Variants in NFIX observed in about 807,000 individuals in gnomAD.
The protein encoded by NFIX is nuclear factor I X.
In NFIX, 2 loss-of-function variants were observed where a neutral mutation model predicts 53.3. The observed-to-expected ratio is 0.04, with a 90% CI of 0.02 to 0.12. The LOEUF (loss-of-function observed/expected upper bound fraction) is 0.12, where lower values mean the gene tolerates loss of function less well. NFIX is among the 10% of genes least tolerant of loss of function. The pLI is 1.00. For synonymous variants in NFIX, 244 were observed against 289.0 expected (o/e 0.84, Z 1.58); for missense variants, 310 against 674.5 (o/e 0.46, Z 5.99).
rs1599811847 is a variant in NFIX, at chr19:13,060,186, T to C, written c.560-12861T>C. Among the ~76,000 whole-genome samples, 1 of 152,202 alleles carries C rather than the reference T, an allele frequency of 6.6e-6. No individual in the cohort carries two copies. Among genetic ancestry groups the C allele is most frequent in the African/African-American group, 2.4e-5 (1 of 41,448 alleles). On this transcript the variant is annotated intron_variant, in intron 2 of 10. Coordinates refer to ENST00000592199, the MANE Select transcript of NFIX (RefSeq NM_001365902.3). This position sits in a 1 kb window ranked among gnomAD's most constrained non-coding sequence, Gnocchi z 4.3. ...AAGCCTGTTCTCAGCTCCCCTTTAC[T>C]AGGGACAGGTAATTCCACTCTGGCT...
intron 2 of NFIX, among the ~76,000 whole-genome samples, chr19:13,029,287 C>T (rs904583037): frequency 6.6e-6 from 1 of 152,182 alleles, no homozygotes; most frequent in Non-Finnish European, 1.5e-5. Flanking sequence ...TCTTGAAAAA[C>T]CAAACCACAA....
At position 13,014,684 on chromosome 19, in the gene NFIX, A is replaced by T. The variant is rs957221964; in HGVS notation, c.28-10337A>T. Among the ~76,000 whole-genome samples, 3 of 152,206 alleles carry T rather than the reference A, an allele frequency of 2.0e-5. No individual in the cohort carries two copies. The highest frequency in any genetic ancestry group is 4.4e-5 in the Non-Finnish European group (3 of 68,044). On this transcript the variant is annotated intron_variant, in intron 1 of 10. Coordinates refer to ENST00000592199, the MANE Select transcript of NFIX (RefSeq NM_001365902.3). This position sits in a 1 kb window ranked among gnomAD's most constrained non-coding sequence, Gnocchi z 4.4. ...ACCCTGTGCCCTTGATAGAAGAGAG[A>T]GCTGCCCACTTGGGCTGGGCCTGGC...
intron 2 of NFIX, among the ~76,000 whole-genome samples, chr19:13,063,527 T>G (rs1298162044): frequency 6.6e-6 from 1 of 152,102 alleles, no homozygotes; most frequent in Admixed American, 6.5e-5. Context: ...TCTCTGCTCT[T>G]TTTTGTTTTT....
At chr19:13,077,969 C>T (rs1047700883) in intron 6 of NFIX, among the ~76,000 whole-genome samples, 6 of 152,218 alleles carry the variant, frequency 3.9e-5, no homozygotes, top group African/African-American at 1.4e-4. Flanking sequence ...CTTCTGGGTC[C>T]CCTGGCTGGG....
At chr19:13,070,053 C>T (rs938886566) in intron 2 of NFIX, 4 of 152,162 alleles carry the variant, frequency 2.6e-5, no homozygotes, top group Non-Finnish European at 5.9e-5. Flanking sequence ...GGCAAGGCTC[C>T]CCAAAGAGCC....
Position 13,078,509 on chromosome 19 carries a change from G to A in NFIX, c.956-104G>A. On this transcript the variant is annotated intron_variant, in intron 6 of 10. Transcript: ENST00000592199. The surrounding 1 kb of genome is among the most constrained non-coding windows in gnomAD (Gnocchi z 4.7). Reference sequence around the variant, plus strand: ...GAGCACAGTGGAGGAAGGGGCAGTGGGGAGGGGCTGAGGAGAGAAGGAGCG... The same window carrying A: ...GAGCACAGTGGAGGAAGGGGCAGTGAGGAGGGGCTGAGGAGAGAAGGAGCG... 3 of 1,382,368 alleles carry A rather than the reference G, an allele frequency of 2.2e-6. No homozygotes were observed. Among genetic ancestry groups the A allele is most frequent in the East Asian group, 2.5e-5 (1 of 39,786 alleles). 85.6% of individuals were successfully genotyped at this position (1,382,368 alleles called of 1,614,324 possible). A position where few individuals can be genotyped will look rare whatever the true frequency, so the allele number is the denominator to read the frequency against.
rs1222749670 is a variant in NFIX at position 13,039,598 on chromosome 19, C to T, written c.559+14046C>T. Among the ~76,000 whole-genome samples, 5 of 152,122 alleles carry T rather than the reference C, an allele frequency of 3.3e-5. No individual in the cohort carries two copies. In the East Asian group the frequency reaches 7.7e-4, roughly 23 times the overall value. ...AGTCTTGCCTTTACATGTCTTGTCA[C>T]GAAAACAGGGACCTTGGAGAGTCTG... On this transcript the variant is annotated intron_variant, in intron 2 of 10. Transcript: ENST00000592199.
intron 1 of NFIX, among the ~76,000 whole-genome samples, chr19:13,018,297 C>T (rs2012770685): frequency 7.5e-6 from 1 of 133,906 alleles, no homozygotes; most frequent in Admixed American, 8.6e-5. Flanking sequence ...CCCAGGCCAC[C>T]GCTCCTGGTT....
Position 13,001,311 on chromosome 19 carries a change from A to C in NFIX, c.27+5447A>C, listed in dbSNP as rs1430197484. On this transcript the variant is annotated intron_variant, in intron 1 of 10. Transcript: ENST00000592199. This position sits in a 1 kb window ranked among gnomAD's most constrained non-coding sequence, Gnocchi z 6.5. ...CCCGGGTCCCTCTCCATGCCTCTCC[A>C]TGTCTCCCAGCGTCCATCACTGGGT... is the stretch of plus-strand genomic sequence containing the variant. Among the ~76,000 whole-genome samples the C allele has an allele frequency of 1.3e-5, 2 of 152,012 alleles. No individual in the cohort carries two copies. Among genetic ancestry groups the C allele is most frequent in the East Asian group, 1.9e-4 (1 of 5,186 alleles).
At position 13,005,313 on chromosome 19, in the gene NFIX, C is replaced by T. The variant is rs975513902; in HGVS notation, c.27+9449C>T. Reference sequence around the variant, plus strand: ...GCTAATGTGAACTGTGTGCTTGCTGCGTTGCACCCTTGCTAAGTGCCTTCC... The same window carrying T: ...GCTAATGTGAACTGTGTGCTTGCTGTGTTGCACCCTTGCTAAGTGCCTTCC... On this transcript the variant is annotated intron_variant, in intron 1 of 10. Coordinates refer to ENST00000592199, the MANE Select transcript of NFIX (RefSeq NM_001365902.3). This position sits in a 1 kb window ranked among gnomAD's most constrained non-coding sequence, Gnocchi z 4.7. Among the ~76,000 whole-genome samples, 34 of 152,250 alleles carry T rather than the reference C, an allele frequency of 2.2e-4. No homozygotes were observed. The highest frequency in any genetic ancestry group is 1.8e-3 in the Admixed American group (27 of 15,292).
chr19:13,029,583 G>A (rs2013637601), intron 2 of NFIX, among the ~76,000 whole-genome samples: 1 of 152,124 alleles, frequency 6.6e-6, no homozygotes, highest in Non-Finnish European at 1.5e-5. Flanking sequence ...GTCCTGTGGG[G>A]TTTCCTCAGC....
rs753371276 is a variant in NFIX, at chr19:13,067,115, C to T, written c.560-5932C>T. On this transcript the variant is annotated intron_variant, in intron 2 of 10. Coordinates refer to ENST00000592199, the MANE Select transcript of NFIX (RefSeq NM_001365902.3). This position sits in a 1 kb window ranked among gnomAD's most constrained non-coding sequence, Gnocchi z 4.2. ...GAGATTGGGTTTCCTGTGCCCTGGA[C>T]GCTCCAGAATCTCAGAGGAAGCGGG... 4.6e-5 allele frequency among the ~76,000 whole-genome samples: 7 copies of T among 152,216 alleles called. No individual in the cohort carries two copies. The highest frequency in any genetic ancestry group is 1.9e-4 in the East Asian group (1 of 5,200).
intron 1 of NFIX, among the ~76,000 whole-genome samples, chr19:13,004,120 T>C (rs914438432): frequency 2.0e-5 from 3 of 151,894 alleles, no homozygotes; most frequent in Non-Finnish European, 4.4e-5. Context: ...ATTTAGTGAG[T>C]GGAGACCCAG....
At position 13,081,464 on chromosome 19, in the gene NFIX, T is replaced by G. The variant is rs1169126848; in HGVS notation, c.1079-216T>G. Among the ~76,000 whole-genome samples the G allele has an allele frequency of 2.6e-5, 4 of 151,960 alleles. No individual in the cohort carries two copies. The highest frequency in any genetic ancestry group is 7.2e-5 in the African/African-American group (3 of 41,382). Reference sequence around the variant, plus strand: ...TTGGACCCTAGTTTGCCTATTTGATTATTATTATTATTATTATTTTTGTAT... The same window carrying G: ...TTGGACCCTAGTTTGCCTATTTGATGATTATTATTATTATTATTTTTGTAT... On this transcript the variant is annotated intron_variant, in intron 7 of 10. Coordinates refer to ENST00000592199, the MANE Select transcript of NFIX (RefSeq NM_001365902.3). This position sits in a 1 kb window ranked among gnomAD's most constrained non-coding sequence, Gnocchi z 4.7.
intron 1 of NFIX, among the ~76,000 whole-genome samples, chr19:13,016,564 C>G (rs2145167777): frequency 6.7e-6 from 1 of 148,570 alleles, no homozygotes; most frequent in East Asian, 2.1e-4. Flanking sequence ...TGCACACTTA[C>G]ATTTTTTGTA....
chr19:13,059,950 A>AT (rs1351931475), intron 2 of NFIX, among the ~76,000 whole-genome samples: 2 of 150,866 alleles, frequency 1.3e-5, no homozygotes, highest in Non-Finnish European at 3.0e-5. Flanking sequence ...CACCCGGTTA[A>AT]TTTTTTTTGT....
At chr19:13,092,107 G>A (rs2018179769) in intron 10 of NFIX, among the ~76,000 whole-genome samples, 1 of 152,170 alleles carries the variant, frequency 6.6e-6, no homozygotes, top group African/African-American at 2.4e-5. Flanking sequence ...GCAGGCAGGC[G>A]GCTGCAACGG....
rs73006832 is a variant in NFIX at position 13,031,592 on chromosome 19, G to A, written c.559+6040G>A. ...ATCTCTAAGAATAAGAGAATCTTGC[G>A]TGTACCTGGCAGGCTTTGGGTAAAG... On this transcript the variant is annotated intron_variant, in intron 2 of 10. Transcript: ENST00000592199. 8.2e-3 allele frequency among the ~76,000 whole-genome samples: 1,244 copies of A among 152,280 alleles called. 7 individuals are homozygous for A. Among genetic ancestry groups the A allele is most frequent in the South Asian group, 0.029 (138 of 4,830 alleles).
intron 2 of NFIX, among the ~76,000 whole-genome samples, chr19:13,031,052 A>G (rs902075387): frequency 2.6e-5 from 4 of 152,238 alleles, no homozygotes; most frequent in Non-Finnish European, 5.9e-5. Flanking sequence ...AGAGCGGGGC[A>G]TGACCCCAAA....
Sources: allele counts gnomAD v4.1 joint callset (sites outside exome capture counted in the v4.1 genomes callset), GRCh38; gene constraint gnomAD v4.1.1; non-coding constraint Gnocchi (gnomAD v3.1); transcripts MANE v1.5; gene names NCBI Gene and HGNC (gene_info 2026-07-23, HGNC 2026-07-21).